The following GOLGB1 variants were observed in gnomAD, a reference collection of about 807,000 sequenced individuals.
GOLGB1 encodes golgin B1.
A neutral mutation model predicts 336.9 loss-of-function variants in GOLGB1; 174 were observed. That is an observed-to-expected ratio of 0.52 (90% CI 0.46 to 0.59). GOLGB1 has a LOEUF of 0.59. Among genes scored for constraint, GOLGB1 ranks in the 20% least tolerant of loss-of-function variants. The pLI is 0.00. For missense variants in GOLGB1, 3,331 were observed against 3,645.3 expected, an observed-to-expected ratio of 0.91 and a Z score of 2.22; for synonymous variants, 1,208 against 1,289.2, an observed-to-expected ratio of 0.94 and a Z score of 1.35.
intron 14 of GOLGB1, among the ~76,000 whole-genome samples, chr3:121,684,446 C>G (rs929269085): frequency 2.0e-5 from 3 of 151,230 alleles, no homozygotes; most frequent in Non-Finnish European, 4.4e-5. Context: ...TTCTTAGATT[C>G]AAAGGACTAG....
At chr3:121,727,289 CACACATATATATAT>C (rs1435632965) in intron 4 of GOLGB1, among the ~76,000 whole-genome samples, 2 of 44,374 alleles carry the variant, frequency 4.5e-5, no homozygotes, top group African/African-American at 5.8e-5. Flanking sequence ...CATACACACA[CACACATATATATAT>C]ATATATATAT....
intron 13 of GOLGB1, among the ~76,000 whole-genome samples, chr3:121,692,832 T>A (rs1942575629): frequency 6.6e-6 from 1 of 152,242 alleles, no homozygotes; most frequent in Non-Finnish European, 1.5e-5. Context: ...ATGTCACTTA[T>A]TTTAGTGACA....
rs529925116 is a variant in GOLGB1 at position 121,669,206 on chromosome 3, A to C, written c.9321+6T>G. The C allele has an allele frequency of 6.2e-7, 1 of 1,613,020 alleles. No homozygotes were observed. Among genetic ancestry groups the C allele is most frequent in the South Asian group, 1.1e-5 (1 of 90,996 alleles). On this transcript the variant is annotated splice_donor_region_variant and intron_variant, in intron 18 of 21. Transcript: ENST00000614479. ...TCTCCCAGTCTCTCACCTTCTCTTT[A>C]CTCACCGCCTGCAGCTCTTGAACCT...
rs571584398 is a variant in GOLGB1 at position 121,674,877 on chromosome 3, G to A, written c.9177+2016C>T. ...GGAGTCTCGCTCTGTCGCCCAGGCC[G>A]GACTGCGGACTGCAGTGGCGCAATC... On this transcript the variant is annotated intron_variant, in intron 17 of 21. Transcript: ENST00000614479. Among the ~76,000 whole-genome samples, 37 of 134,904 alleles carry A rather than the reference G, an allele frequency of 2.7e-4. 1 individual carries two copies. The highest frequency in any genetic ancestry group is 7.9e-4 in the African/African-American group (28 of 35,532). The allele number at this position is 134,904 out of a possible 152,430, so 88.5% of individuals were successfully genotyped here. A position where few individuals can be genotyped will look rare whatever the true frequency, so the allele number is the denominator to read the frequency against.
chr3:121,687,548 T>C (rs1941880553), intron 14 of GOLGB1, among the ~76,000 whole-genome samples: 1 of 152,190 alleles, frequency 6.6e-6, no homozygotes, highest in Non-Finnish European at 1.5e-5. Context: ...AAAGGAGTGA[T>C]ACATCTTGAT....
In GOLGB1 at chr3:121,698,351, G is replaced by A. The variant is rs774696995; in HGVS notation, c.2172C>T (p.Ser724=). The A allele has an allele frequency of 3.1e-6, 5 of 1,613,596 alleles. No homozygotes were observed. The South Asian group carries it at 4.4e-5, about 14-fold the overall frequency. Residue 724 remains serine (S), a synonymous_variant, in exon 13 of 22, where the codon AGC becomes AGT. Transcript: ENST00000614479. ...ACTCCTCAATCAACTGGTTTAGGTT[G>A]CTAATTTCCTTAGCTTTCTCATCTA... ...KNLDEKAKEI[S]NLNQLIEEFK...
chr3:121,691,353 G>T lies in GOLGB1; in HGVS notation c.8011C>A (p.Gln2671Lys). 1 of 1,612,328 alleles carries T rather than the reference G, an allele frequency of 6.2e-7. No homozygotes were observed. The highest frequency in any genetic ancestry group is 8.5e-7 in the Non-Finnish European group (1 of 1,179,694). Residue 2671 changes from glutamine to lysine, a missense_variant, in exon 14 of 22, where the codon CAA (glutamine) becomes AAA (lysine). Gln to Lys is a moderately conservative substitution (Grantham distance 53). Coordinates refer to ENST00000614479, the MANE Select transcript of GOLGB1 (RefSeq NM_001366282.2). ...CCTACCTTCTTGGCAGCTTCCTTTT[G>T]AACACAAACCAATTCTTCTTCCAGT... ...AELEEELVCV[Q>K]KEAAKKVGEI...
Position 121,749,629 on chromosome 3 carries a change from C to T in GOLGB1, c.-3+3G>A, listed in dbSNP as rs927208440. 3 of 152,350 alleles carry T rather than the reference C, an allele frequency of 2.0e-5. No individual in the cohort carries two copies. Among genetic ancestry groups the T allele is most frequent in the Non-Finnish European group, 2.9e-5 (2 of 68,160 alleles). 9.4% of individuals were successfully genotyped at this position (152,350 alleles called of 1,614,324 possible). The stretch of plus-strand genomic sequence containing the variant: ...GAAGAGTTGGGTAGCGTCCCCTACT[C>T]ACCTAGAAGCGCTGCCGCCTGAGGC... On this transcript the variant is annotated splice_donor_region_variant and intron_variant, in intron 1 of 21. Coordinates refer to ENST00000614479, the MANE Select transcript of GOLGB1 (RefSeq NM_001366282.2).
intron 4 of GOLGB1, among the ~76,000 whole-genome samples, chr3:121,727,303 T>C (rs1213444936): frequency 0.011 from 321 of 29,820 alleles, 4 homozygotes; most frequent in Non-Finnish European, 0.019. Flanking sequence ...CATATATATA[T>C]ATATATATAT....
At position 121,694,397 on chromosome 3, in the gene GOLGB1, A is replaced by C; in HGVS notation, c.6126T>G (p.Ala2042=). 6.2e-7 allele frequency: 1 copy of C among 1,613,106 alleles called. No individual in the cohort carries two copies. Among genetic ancestry groups the C allele is most frequent in the Non-Finnish European group, 8.5e-7 (1 of 1,179,376 alleles). The change falls in exon 13 of 22, where the codon GCT becomes GCG. Residue 2042 remains alanine (A), a synonymous_variant. Transcript: ENST00000614479. The part of the protein sequence containing the change: ...DCIRYQEKIS[A]LERTVKALEF... The stretch of plus-strand genomic sequence containing the variant: ...CTAGAGCTTTAACAGTTCTCTCCAG[A>C]GCACTAATTTTCTCTTGATACCTGA...
At chr3:121,714,459 A>G (rs1230708916) in intron 10 of GOLGB1, among the ~76,000 whole-genome samples, 1 of 152,162 alleles carries the variant, frequency 6.6e-6, no homozygotes, top group Non-Finnish European at 1.5e-5. Flanking sequence ...TATGATTTCC[A>G]TAGTAGACTT....
rs768368089 is a variant in GOLGB1 at position 121,698,118 on chromosome 3, T to C, written c.2405A>G (p.Gln802Arg). Residue 802 changes from glutamine (Q) to arginine (R), a missense_variant, in exon 13 of 22, where the codon CAG becomes CGG. By Grantham distance (43) the Gln-to-Arg change is conservative. Transcript: ENST00000614479. ...QTAHDNLLTE[Q>R]IHSLSIEAKS... is the part of the protein sequence containing the mutation. The stretch of plus-strand genomic sequence containing the variant: ...GGCTTCTATGCTGAGACTATGGATC[T>C]GTTCAGTGAGCAGGTTGTCATGGGC... 6.2e-7 allele frequency: 1 copy of C among 1,613,956 alleles called. No individual in the cohort carries two copies. Among genetic ancestry groups the C allele is most frequent in the South Asian group, 1.1e-5 (1 of 91,082 alleles).
intron 1 of GOLGB1, among the ~76,000 whole-genome samples, chr3:121,746,515 T>C (rs1178229467): frequency 1.2e-4 from 18 of 152,090 alleles, no homozygotes; most frequent in Admixed American, 9.8e-4. Context: ...GGAGTTTCAC[T>C]ATTGTCGCCC....
intron 1 of GOLGB1, among the ~76,000 whole-genome samples, chr3:121,744,441 C>CAAAAAAA (rs11290154): frequency 2.7e-5 from 2 of 73,096 alleles, no homozygotes; most frequent in South Asian, 4.4e-4. Flanking sequence ...ACTGTCTCTA[C>CAAAAAAA]AAAAAAAAAA....
rs908870137 is a variant in GOLGB1, at chr3:121,712,685, G to T, written c.1404+2176C>A. Among the ~76,000 whole-genome samples the T allele has an allele frequency of 2.6e-5, 4 of 152,120 alleles. No homozygotes were observed. In the South Asian group the frequency reaches 6.2e-4, roughly 24 times the overall value. Reference sequence around the variant, plus strand: ...TTCACCAACAGAAGGTGTACATATGGCTAAGAATCTCAAGAAAAAAAGTTC... The same window carrying T: ...TTCACCAACAGAAGGTGTACATATGTCTAAGAATCTCAAGAAAAAAAGTTC... On this transcript the variant is annotated intron_variant, in intron 10 of 21. Transcript: ENST00000614479.
chr3:121,695,212 T>C lies in GOLGB1; in HGVS notation c.5311A>G (p.Asn1771Asp). Residue 1771 changes from asparagine (N) to aspartate (D), a missense_variant, in exon 13 of 22, where the codon AAT (asparagine) becomes GAT (aspartate). By Grantham distance (23) the Asn-to-Asp change is conservative (BLOSUM62 1). Coordinates refer to ENST00000614479, the MANE Select transcript of GOLGB1 (RefSeq NM_001366282.2). ...VQDLKHQIEGNVSKQANLEAT... is the reference protein window; with the variant it reads ...VQDLKHQIEGDVSKQANLEAT... The stretch of plus-strand genomic sequence containing the variant: ...TCTAGGTTAGCTTGTTTAGATACAT[T>C]ACCTTCTATCTGATGCTTTAAATCT... The C allele has an allele frequency of 6.2e-7, 1 of 1,613,612 alleles. No individual in the cohort carries two copies. Among genetic ancestry groups the C allele is most frequent in the Non-Finnish European group, 8.5e-7 (1 of 1,179,862 alleles).
At chr3:121,731,041 A>G (rs1180791319) in intron 1 of GOLGB1, 68 bp from the exon 2 acceptor site, 6 of 1,456,296 alleles carry the variant, frequency 4.1e-6, no homozygotes, top group Non-Finnish European at 4.7e-6. Flanking sequence ...TCCTATATTG[A>G]TAACCATATC....
At chr3:121,718,364 G>A in intron 8 of GOLGB1, 24 bp downstream of exon 8, 5 of 1,444,688 alleles carry the variant, frequency 3.5e-6, no homozygotes, top group Non-Finnish European at 3.9e-6. Context: ...TCCAAGGCAG[G>A]AAGTAAAGAT....
At chr3:121,705,832 A>G (rs917964636) in intron 10 of GOLGB1, among the ~76,000 whole-genome samples, 5 of 152,242 alleles carry the variant, frequency 3.3e-5, no homozygotes, top group African/African-American at 1.2e-4. Context: ...TGTCAGTTAT[A>G]TAGCCAAATG....
Sources: allele counts gnomAD v4.1 joint callset (sites outside exome capture counted in the v4.1 genomes callset), GRCh38; gene constraint gnomAD v4.1.1; transcripts MANE v1.5; gene names NCBI Gene and HGNC (gene_info 2026-07-23, HGNC 2026-07-21).